Variants in SMC2 observed in about 807,000 individuals in gnomAD.
SMC2 encodes structural maintenance of chromosomes 2.
In SMC2, 41 loss-of-function variants were observed where a neutral mutation model predicts 142.6. That is an observed-to-expected ratio of 0.29 (90% CI 0.22 to 0.37). The LOEUF is 0.37. SMC2 is among the 10% of genes least tolerant of loss of function. The pLI is 1.00. For missense variants in SMC2, 1,265 were observed against 1,373.7 expected (o/e 0.92, Z 1.25); for synonymous variants, 463 against 457.5 (o/e 1.01, Z -0.15).
At chr9:104,116,765 A>G (rs980526601) in intron 14 of SMC2, among the ~76,000 whole-genome samples, 12 of 152,218 alleles carry the variant, frequency 7.9e-5, no homozygotes, top group Admixed American at 6.5e-5. Context: ...CTAGATTGCT[A>G]TTCAGCCTGT....
intron 9 of SMC2, among the ~76,000 whole-genome samples, chr9:104,109,268 T>G (rs1832156252): frequency 6.6e-6 from 1 of 152,232 alleles, no homozygotes. Flanking sequence ...TGTCAGTGAA[T>G]GGTACCACTA....
chr9:104,109,528 A>T (rs934370259), intron 9 of SMC2, among the ~76,000 whole-genome samples: 4 of 152,232 alleles, frequency 2.6e-5, no homozygotes, highest in Admixed American at 1.3e-4. Flanking sequence ...TTCTTTACAG[A>T]AGCTAAAATA....
chr9:104,095,670 C>G (rs752322963), intron 2 of SMC2, 118 bp downstream of exon 2: 15 of 724,842 alleles, frequency 2.1e-5, no homozygotes, highest in Non-Finnish European at 3.2e-5. Flanking sequence ...GTAAATTACA[C>G]CTCACTGCAA....
At chr9:104,095,942 T>C (rs1039762377) in intron 2 of SMC2, among the ~76,000 whole-genome samples, 5 of 152,184 alleles carry the variant, frequency 3.3e-5, no homozygotes, top group East Asian at 1.9e-4. Context: ...CAATTCAGGG[T>C]TGAAAAGGTT....
chr9:104,139,198 C>A lies in SMC2; in HGVS notation c.3477C>A (p.Thr1159=). The change falls in exon 25 of 25, where the codon ACC becomes ACA. Residue 1159 remains threonine, a synonymous_variant. Coordinates refer to ENST00000374793, the MANE Select transcript of SMC2 (RefSeq NM_006444.3). ...ACAATGCAAACGTTCTTTTCAAAAC[C>A]AAGTTTGTGGATGGTGTTTCTACAG... The part of the protein sequence containing the change: ...MFNNANVLFK[T]KFVDGVSTVA... 6.2e-7 allele frequency: 1 copy of A among 1,601,010 alleles called. No homozygotes were observed. The highest frequency in any genetic ancestry group is 8.5e-7 in the Non-Finnish European group (1 of 1,175,494).
chr9:104,094,124 T>A (rs562363174), upstream of SMC2: 332 of 361,424 alleles, frequency 9.2e-4, 2 homozygotes, highest in Middle Eastern at 2.9e-3. Context: ...TATCTGCTCC[T>A]GTAGTGCCCA....
rs200346269 is a variant in SMC2 at position 104,097,263 on chromosome 9, A to AT, written c.318+975dup. Among the ~76,000 whole-genome samples the AT allele has an allele frequency of 7.8e-3, 1,157 of 149,112 alleles. 18 individuals are homozygous for AT. Among genetic ancestry groups the AT allele is most frequent in the African/African-American group, 0.027 (1,095 of 40,590 alleles). On this transcript the variant is annotated intron_variant, in intron 3 of 24. Transcript: ENST00000374793. ...AGGTGCCCACCACCACACCCGGCTA[A>AT]TTTTTTTTTGTTTTTTGTATTTTTA...
At chr9:104,132,476 A>G (rs911319164) in intron 22 of SMC2, among the ~76,000 whole-genome samples, 1 of 152,124 alleles carries the variant, frequency 6.6e-6, no homozygotes, top group South Asian at 2.1e-4. Flanking sequence ...GACTTCATGT[A>G]TCTGTCTCCT....
At chr9:104,123,047 ATG>A in intron 16 of SMC2, 59 bp from the exon 17 acceptor site, 2 of 1,529,502 alleles carry the variant, frequency 1.3e-6, no homozygotes, top group Non-Finnish European at 1.8e-6. Flanking sequence ...TGAAGTTTGA[ATG>A]TATTTCTCAA....
chr9:104,094,599 C>T, intron 1 of SMC2, 122 bp downstream of exon 1: 2 of 378,024 alleles, frequency 5.3e-6, no homozygotes, highest in Non-Finnish European at 9.4e-6. Context: ...GGCAGAGGGA[C>T]CTTAGGTGAT....
chr9:104,135,348 T>TACTGTAAAAGAAAAATCAGTA (rs1835416330), intron 23 of SMC2, among the ~76,000 whole-genome samples: 2 of 152,142 alleles, frequency 1.3e-5, no homozygotes, highest in African/African-American at 2.4e-5. Flanking sequence ...GGAGATGAGA[T>TACTGTAAAAGAAAAATCAGTA]ACTGTAAAAG....
intron 9 of SMC2, among the ~76,000 whole-genome samples, chr9:104,110,632 G>T (rs1473967022): frequency 6.6e-6 from 1 of 152,050 alleles, no homozygotes; most frequent in Admixed American, 6.6e-5. Flanking sequence ...ATTTACCATG[G>T]CCTGCAAGGT....
chr9:104,111,154 A>G (rs1240270792), intron 9 of SMC2, among the ~76,000 whole-genome samples: 9 of 152,188 alleles, frequency 5.9e-5, no homozygotes. Flanking sequence ...TTCTGAAACT[A>G]TTTAATGCTC....
In SMC2 at chr9:104,127,415, A is replaced by AAAATT; in HGVS notation, c.2728_2732dup (p.Glu912LeufsTer4). ...GGAGCAAAACAATGATTCTCAGCTTAAAATTAAGGAATTAGACCACAACAT... is the reference window on the plus strand; with the variant it reads ...GGAGCAAAACAATGATTCTCAGCTTAAAATTAAATTAAGGAATTAGACCACAACAT... On this transcript the variant is annotated frameshift_variant, in exon 20 of 25. Coordinates refer to ENST00000374793, the MANE Select transcript of SMC2 (RefSeq NM_006444.3). LOFTEE classifies it high-confidence loss of function. The AAAATT allele has an allele frequency of 6.2e-7, 1 of 1,613,800 alleles. No homozygotes were observed. Among genetic ancestry groups the AAAATT allele is most frequent in the Non-Finnish European group, 8.5e-7 (1 of 1,179,738 alleles).
At chr9:104,136,774 G>GTTTTTT (rs1835587125) in intron 23 of SMC2, among the ~76,000 whole-genome samples, 4 of 134,560 alleles carry the variant, frequency 3.0e-5, no homozygotes, top group African/African-American at 1.1e-4. Flanking sequence ...TTTTTTTTTG[G>GTTTTTT]CTAGCAATTT....
rs1225697037 is a variant in SMC2, at chr9:104,126,745, T to G, written c.2556T>G (p.Ser852Arg). 6.2e-7 allele frequency: 1 copy of G among 1,612,248 alleles called. No homozygotes were observed. Among genetic ancestry groups the G allele is most frequent in the Non-Finnish European group, 8.5e-7 (1 of 1,179,488 alleles). ...ATGAAGCTATCAAATCCTATGAAAG[T>G]CAGATTGAAGTAATGGCAGCTGAGG... is the stretch of plus-strand genomic sequence containing the variant. ...AVNEAIKSYE[S>R]QIEVMAAEVA... The change falls in exon 19 of 25, where the codon AGT (serine) becomes AGG (arginine). Residue 852 changes from serine (S) to arginine (R), a missense_variant. Ser to Arg is a moderately radical substitution (Grantham distance 110, BLOSUM62 -1). Coordinates refer to ENST00000374793, the MANE Select transcript of SMC2 (RefSeq NM_006444.3).
chr9:104,129,824 A>G lies in SMC2; in HGVS notation c.2970A>G (p.Val990=). ...ATGTCAATATGAGAGCTATGAATGTATTGACAGAAGCTGAAGAGCGAGTAA... is the reference window on the plus strand; with the variant it reads ...ATGTCAATATGAGAGCTATGAATGTGTTGACAGAAGCTGAAGAGCGAGTAA... The part of the protein sequence containing the change: ...GRNVNMRAMN[V]LTEAEERYND... Residue 990 remains valine, a synonymous_variant, in exon 21 of 25, where the codon GTA becomes GTG. Transcript: ENST00000374793. 1 of 1,613,650 alleles carries G rather than the reference A, an allele frequency of 6.2e-7. No individual in the cohort carries two copies. The highest frequency in any genetic ancestry group is 1.1e-5 in the South Asian group (1 of 91,072).
rs1413553991 is a variant in SMC2 at position 104,118,257 on chromosome 9, A to C, written c.1878A>C (p.Thr626=). 1 of 1,613,830 alleles carries C rather than the reference A, an allele frequency of 6.2e-7. No homozygotes were observed. The highest frequency in any genetic ancestry group is 8.5e-7 in the Non-Finnish European group (1 of 1,179,804). The part of the protein sequence containing the change: ...LQKAMEFVFG[T]TFVCDNMDNA... Reference sequence around the variant, plus strand: ...AAGCAATGGAGTTTGTCTTTGGAACAACATTTGTTTGTGACAATATGGATA... The same window carrying C: ...AAGCAATGGAGTTTGTCTTTGGAACCACATTTGTTTGTGACAATATGGATA... The change falls in exon 15 of 25, where the codon ACA becomes ACC. Residue 626 remains threonine, a synonymous_variant. Transcript: ENST00000374793.
intron 7 of SMC2, 37 bp from the exon 8 acceptor site, chr9:104,101,923 A>G (rs1831177320): frequency 7.6e-7 from 1 of 1,315,438 alleles, no homozygotes. Context: ...TTTTAATACA[A>G]TTTTGAGTTA....
Sources: allele counts gnomAD v4.1 joint callset (sites outside exome capture counted in the v4.1 genomes callset), GRCh38; gene constraint gnomAD v4.1.1; transcripts MANE v1.5; gene names NCBI Gene and HGNC (gene_info 2026-07-23, HGNC 2026-07-21).